The following NOA1 variants were observed in gnomAD, a reference collection of about 807,000 sequenced individuals.
NOA1 encodes the protein nitric oxide-associated protein 1.
NOA1 carries 35 observed loss-of-function variants against 58.4 expected under a neutral mutation model. That is an observed-to-expected ratio of 0.60 (90% CI 0.46 to 0.79). NOA1 has a LOEUF of 0.79. Among genes scored for constraint, NOA1 ranks in the 30% least tolerant of loss-of-function variants. The pLI is 0.00. For missense variants in NOA1, 895 were observed against 894.6 expected, an observed-to-expected ratio of 1.00 and a Z score of -0.01; for synonymous variants, 397 against 373.4, an observed-to-expected ratio of 1.06 and a Z score of -0.73.
At chr4:56,976,374 G>C in intron 1 of NOA1, 68 bp downstream of exon 1, 1 of 1,395,290 alleles carries the variant, frequency 7.2e-7, no homozygotes, top group Non-Finnish European at 9.8e-7. Context: ...GGATGTACTC[G>C]GTGCCTCGGC....
chr4:56,966,524 TA>T, intron 5 of NOA1, 95 bp downstream of exon 5: 1 of 742,074 alleles, frequency 1.3e-6, no homozygotes, highest in Non-Finnish European at 2.3e-6. Context: ...AGATATTGTA[TA>T]ACAGTTCTGT....
chr4:56,976,523 A>G lies in NOA1; in HGVS notation c.1063T>C (p.Phe355Leu). 1 of 1,614,230 alleles carries G rather than the reference A, an allele frequency of 6.2e-7. No homozygotes were observed. Among genetic ancestry groups the G allele is most frequent in the Non-Finnish European group, 8.5e-7 (1 of 1,180,042 alleles). The change falls in exon 1 of 7, where the codon TTT becomes CTT. Residue 355 changes from phenylalanine (F) to leucine (L), a missense_variant. Around this residue, in one of 3 missense-constraint regions of NOA1, gnomAD observed 680 missense variants for 656.5 expected, o/e 1.04. Coordinates refer to ENST00000264230, the MANE Select transcript of NOA1 (RefSeq NM_032313.4). The part of the protein sequence containing the change: ...GATNAGKSTL[F>L]NTLLESDYCT... The stretch of plus-strand genomic sequence containing the variant: ...TAATCGGACTCCAGGAGCGTGTTAA[A>G]GAGAGTGGATTTGCCGGCGTTGGTG...
intron 1 of NOA1, among the ~76,000 whole-genome samples, chr4:56,975,981 A>G (rs1188072467): frequency 6.6e-6 from 1 of 152,214 alleles, no homozygotes; most frequent in Non-Finnish European, 1.5e-5. Flanking sequence ...CGGGAGGCGG[A>G]GGTTGCAGTG....
rs1048532292 is a variant in NOA1 at position 56,976,835 on chromosome 4, C to T, written c.751G>A (p.Asp251Asn). ...CCAGGAGCATCCTGGGGCAGGAGGT[C>T]CACTTTGTTTCCCAGCACGATCAGC... The part of the protein sequence containing the change: ...KQLIVLGNKV[D>N]LLPQDAPGYR... The change falls in exon 1 of 7, where the codon GAC becomes AAC. Residue 251 changes from aspartate to asparagine, a missense_variant. Asp to Asn is a conservative substitution (Grantham distance 23, BLOSUM62 1). This residue lies in a region of NOA1 where 680 missense variants were observed against 656.5 expected (regional missense o/e 1.04). Transcript: ENST00000264230. 1 of 1,612,980 alleles carries T rather than the reference C, an allele frequency of 6.2e-7. No homozygotes were observed.
At position 56,977,069 on chromosome 4, in the gene NOA1, C is replaced by A; in HGVS notation, c.517G>T (p.Gly173Trp). 1 of 1,574,824 alleles carries A rather than the reference C, an allele frequency of 6.3e-7. No individual in the cohort carries two copies. The highest frequency in any genetic ancestry group is 1.1e-5 in the South Asian group (1 of 89,502). ...KFLRTAEADG[G>W]LARTVCQRCW... ...CGCTGGCACACGGTCCGTGCCAGCC[C>A]GCCGTCTGCCTCCGCCGTGCGGAGG... Residue 173 changes from glycine to tryptophan, a missense_variant, in exon 1 of 7, where the codon GGG becomes TGG. By Grantham distance (184) the Gly-to-Trp change is radical. Around this residue, in one of 3 missense-constraint regions of NOA1, gnomAD observed 680 missense variants for 656.5 expected, o/e 1.04. Coordinates refer to ENST00000264230, the MANE Select transcript of NOA1 (RefSeq NM_032313.4).
In NOA1 at chr4:56,963,645, T is replaced by A; in HGVS notation, c.1902A>T (p.Thr634=). 6.2e-7 allele frequency: 1 copy of A among 1,614,026 alleles called. No individual in the cohort carries two copies. Among genetic ancestry groups the A allele is most frequent in the Non-Finnish European group, 8.5e-7 (1 of 1,179,998 alleles). ...KFSSAGWVSV[T]PNFKDRLHLR... is the part of the protein sequence containing the mutation. ...GATGCAGTCTGTCCTTAAAATTAGG[T>A]GTTACTGAAACCCAACCTATGCAGG... Residue 634 remains threonine (T), a synonymous_variant, in exon 7 of 7, where the codon ACA becomes ACT. Coordinates refer to ENST00000264230, the MANE Select transcript of NOA1 (RefSeq NM_032313.4).
chr4:56,974,069 G>A, intron 1 of NOA1, 47 bp from the exon 2 acceptor site: 2 of 1,147,774 alleles, frequency 1.7e-6, no homozygotes, highest in Non-Finnish European at 2.3e-6. Context: ...GAATAAGGGG[G>A]AAGAAAATGA....
chr4:56,974,078 G>GATTC, intron 1 of NOA1, 56 bp from the exon 2 acceptor site: 1 of 1,089,070 alleles, frequency 9.2e-7, no homozygotes, highest in East Asian at 3.0e-5. Flanking sequence ...GGAAGAAAAT[G>GATTC]AACATTTTTG....
chr4:56,976,351 G>A, intron 1 of NOA1, 91 bp downstream of exon 1: 2 of 1,117,416 alleles, frequency 1.8e-6, no homozygotes, highest in South Asian at 1.5e-5. Flanking sequence ...AGCCCGCAGT[G>A]GACATTAAGG....
At chr4:56,971,660 A>G (rs978096464) in intron 3 of NOA1, among the ~76,000 whole-genome samples, 2 of 152,184 alleles carry the variant, frequency 1.3e-5, no homozygotes, top group African/African-American at 2.4e-5. Context: ...TGATTAATGA[A>G]TCTGTTGTGA....
chr4:56,977,012 G>C lies in NOA1; in HGVS notation c.574C>G (p.Leu192Val). The C allele has an allele frequency of 6.3e-7, 1 of 1,592,176 alleles. No homozygotes were observed. The highest frequency in any genetic ancestry group is 8.5e-7 in the Non-Finnish European group (1 of 1,174,282). ...TGCTCGCGGCTCACCTGCAGGCGTA[G>C]AGCGCGCCGGTGGTGCGACAGCAGC... ...CWLLSHHRRA[L>V]RLQVSREQYL... The change falls in exon 1 of 7, where the codon CTA becomes GTA. Residue 192 changes from leucine to valine, a missense_variant. By Grantham distance (32) the Leu-to-Val change is conservative. Coordinates refer to ENST00000264230, the MANE Select transcript of NOA1 (RefSeq NM_032313.4).
intron 6 of NOA1, 57 bp from the exon 7 acceptor site, chr4:56,963,718 A>C: frequency 3.8e-6 from 5 of 1,317,612 alleles, no homozygotes; most frequent in Non-Finnish European, 4.3e-6. Context: ...TATTAAAAAT[A>C]CCAAACCAAA....
intron 3 of NOA1, among the ~76,000 whole-genome samples, chr4:56,971,911 C>CA (rs1326362702): frequency 2.8e-5 from 4 of 144,858 alleles, no homozygotes; most frequent in African/African-American, 7.7e-5. Flanking sequence ...TTTTTTGAGA[C>CA]AGAGTCTTGC....
intron 3 of NOA1, among the ~76,000 whole-genome samples, chr4:56,970,696 A>G (rs1721795728): frequency 6.6e-6 from 1 of 151,990 alleles, no homozygotes; most frequent in Non-Finnish European, 1.5e-5. Flanking sequence ...TCCTGGGCTC[A>G]AGCAATCCTC....
In NOA1 at chr4:56,963,385, A is replaced by C. The variant is rs1721641246; in HGVS notation, c.*65T>G. The C allele has an allele frequency of 7.6e-7, 1 of 1,309,658 alleles. No homozygotes were observed. The highest frequency in any genetic ancestry group is 1.1e-6 in the Non-Finnish European group (1 of 912,820). 81.1% of individuals were successfully genotyped at this position (1,309,658 alleles called of 1,614,324 possible). A position where few individuals can be genotyped will look rare whatever the true frequency, so the allele number is the denominator to read the frequency against. On this transcript the variant is annotated 3_prime_UTR_variant, in exon 7 of 7. Transcript: ENST00000264230. ...AGCTTTATTTATGCGTTATATGTTT[A>C]ATACAAATTCAATGTATTTTGTTGT...
chr4:56,968,643 G>T, intron 3 of NOA1, 128 bp from the exon 4 acceptor site: 1 of 691,586 alleles, frequency 1.4e-6, no homozygotes, highest in Non-Finnish European at 2.3e-6. Flanking sequence ...TTATGTCAGA[G>T]TTTGCTATGC....
At position 56,977,596 on chromosome 4, in the gene NOA1, C is replaced by T; in HGVS notation, c.-11G>A. ...GCGAGCGGGCAGCATGAGGAAGTAG[C>T]TCCAAAGGGGCGGAGCCACCAGCGC... On this transcript the variant is annotated 5_prime_UTR_variant, in exon 1 of 7. Coordinates refer to ENST00000264230, the MANE Select transcript of NOA1 (RefSeq NM_032313.4). 2 of 1,554,910 alleles carry T rather than the reference C, an allele frequency of 1.3e-6. No individual in the cohort carries two copies. The highest frequency in any genetic ancestry group is 1.7e-6 in the Non-Finnish European group (2 of 1,148,860).
At position 56,977,058 on chromosome 4, in the gene NOA1, C is replaced by A. The variant is rs533491725; in HGVS notation, c.528G>T (p.Arg176=). The change falls in exon 1 of 7, where the codon CGG becomes CGT. Residue 176 remains arginine, a synonymous_variant. Transcript: ENST00000264230. ...RTAEADGGLA[R]TVCQRCWLLS... Reference sequence around the variant, plus strand: ...GCAGCCAGCAGCGCTGGCACACGGTCCGTGCCAGCCCGCCGTCTGCCTCCG... The same window carrying A: ...GCAGCCAGCAGCGCTGGCACACGGTACGTGCCAGCCCGCCGTCTGCCTCCG... The A allele has an allele frequency of 6.3e-7, 1 of 1,577,718 alleles. No individual in the cohort carries two copies.
intron 4 of NOA1, among the ~76,000 whole-genome samples, 179 bp from the exon 5 acceptor site, chr4:56,966,915 C>T (rs1372496873): frequency 6.6e-6 from 1 of 152,122 alleles, no homozygotes; most frequent in East Asian, 1.9e-4. Flanking sequence ...GGGCACAATA[C>T]TGAAGCAGTG....
Sources: allele counts gnomAD v4.1 joint callset (sites outside exome capture counted in the v4.1 genomes callset), GRCh38; gene constraint gnomAD v4.1.1; regional missense constraint gnomAD v4.1.1; transcripts MANE v1.5; gene names NCBI Gene and HGNC (gene_info 2026-07-23, HGNC 2026-07-21).